Variants in GPC6 observed in about 807,000 individuals in gnomAD.
The protein encoded by GPC6 is glypican-6.
Under a neutral mutation model 55.2 loss-of-function variants are expected in GPC6, and 14 were observed. That is an observed-to-expected ratio of 0.25 (90% CI 0.17 to 0.40). GPC6 has a LOEUF of 0.40. Among genes scored for constraint, GPC6 ranks in the 10% least tolerant of loss-of-function variants. GPC6 has a pLI of 1.00. For synonymous variants in GPC6, 278 were observed against 259.6 expected (o/e 1.07, Z -0.68); for missense variants, 641 against 708.5 (o/e 0.90, Z 1.08).
At chr13:94,343,150 TC>T (rs1172870767) in intron 6 of GPC6, among the ~76,000 whole-genome samples, 2 of 152,214 alleles carry the variant, frequency 1.3e-5, no homozygotes, top group African/African-American at 4.8e-5. Flanking sequence ...ATCATCCACT[TC>T]GAGGGCAGGC....
intron 3 of GPC6, among the ~76,000 whole-genome samples, chr13:93,872,008 CTGAT>C (rs1420183256): frequency 1.3e-5 from 2 of 151,902 alleles, no homozygotes; most frequent in African/African-American, 4.8e-5. Context: ...AGTTTTCAGA[CTGAT>C]TGCTAATTTA....
chr13:94,101,538 A>AT (rs1296868144), intron 4 of GPC6, among the ~76,000 whole-genome samples: 4 of 152,308 alleles, frequency 2.6e-5, no homozygotes, highest in African/African-American at 7.2e-5. Flanking sequence ...ACAAATAATA[A>AT]AAGTGGAACT....
At chr13:93,994,811 A>G (rs977349991) in intron 3 of GPC6, among the ~76,000 whole-genome samples, 6 of 152,188 alleles carry the variant, frequency 3.9e-5, no homozygotes, top group African/African-American at 1.2e-4. Context: ...TTAAATGGGC[A>G]CACTTATTCA....
intron 1 of GPC6, among the ~76,000 whole-genome samples, chr13:93,432,578 C>T (rs947015963): frequency 1.3e-5 from 2 of 152,074 alleles, no homozygotes; most frequent in Non-Finnish European, 2.9e-5. Context: ...GAATGAAACT[C>T]GGAGAACTTG....
chr13:93,368,671 T>C (rs1881348404), intron 1 of GPC6, among the ~76,000 whole-genome samples: 3 of 152,028 alleles, frequency 2.0e-5, no homozygotes, highest in South Asian at 2.1e-4. Context: ...AGCAGGTTAC[T>C]GGTAGTATAC....
In GPC6 at chr13:94,164,849, CAT is replaced by C. The variant is rs1255533019; in HGVS notation, c.878-121498_878-121497del. Among the ~76,000 whole-genome samples, 6 of 151,964 alleles carry C rather than the reference CAT, an allele frequency of 3.9e-5. No homozygotes were observed. The East Asian group carries it at 1.2e-3, about 29-fold the overall frequency. On this transcript the variant is annotated intron_variant, in intron 4 of 8. Coordinates refer to ENST00000377047, the MANE Select transcript of GPC6 (RefSeq NM_005708.5). ...AGGGATTTCTGGAAATATAGTGAAA[CAT>C]AGAATTTAGTAGCATTTAATAATTC...
intron 1 of GPC6, among the ~76,000 whole-genome samples, chr13:93,298,716 G>A (rs1566286229): frequency 6.6e-6 from 1 of 151,896 alleles, no homozygotes; most frequent in Non-Finnish European, 1.5e-5. Context: ...CCAAAGTGCT[G>A]GGATTGTAGG....
At chr13:93,563,849 C>G (rs1437691553) in intron 2 of GPC6, among the ~76,000 whole-genome samples, 2 of 151,386 alleles carry the variant, frequency 1.3e-5, no homozygotes, top group African/African-American at 4.9e-5. Context: ...CATGGATAGA[C>G]TTGCAAGTTG....
intron 1 of GPC6, among the ~76,000 whole-genome samples, chr13:93,524,565 G>T (rs1433557689): frequency 6.6e-6 from 1 of 151,966 alleles, no homozygotes; most frequent in Admixed American, 6.6e-5. Context: ...ATCCATGTTT[G>T]CCTCTCTCAT....
chr13:94,012,553 T>C (rs1300229242), intron 3 of GPC6, among the ~76,000 whole-genome samples: 1 of 152,204 alleles, frequency 6.6e-6, no homozygotes. Context: ...ACAAACTTCA[T>C]ATTTATGTTT....
At chr13:93,478,510 T>G (rs1594198945) in intron 1 of GPC6, among the ~76,000 whole-genome samples, 1 of 152,160 alleles carries the variant, frequency 6.6e-6, no homozygotes, top group African/African-American at 2.4e-5. Flanking sequence ...TTCCTGAAAT[T>G]ATCATGGTTC....
intron 1 of GPC6, among the ~76,000 whole-genome samples, chr13:93,398,624 CA>C (rs1875951937): frequency 6.6e-6 from 1 of 152,102 alleles, no homozygotes; most frequent in Admixed American, 6.6e-5. Flanking sequence ...GTGGAATAAT[CA>C]TTAATTAATG....
intron 4 of GPC6, among the ~76,000 whole-genome samples, chr13:94,081,405 T>A (rs1181309927): frequency 1.3e-5 from 2 of 152,192 alleles, no homozygotes; most frequent in Non-Finnish European, 2.9e-5. Flanking sequence ...ATTCCCATAT[T>A]TAATGTCTCT....
intron 1 of GPC6, among the ~76,000 whole-genome samples, chr13:93,433,680 G>C (rs1220978621): frequency 1.3e-5 from 2 of 152,136 alleles, no homozygotes; most frequent in Non-Finnish European, 2.9e-5. Context: ...ATTGAATAAA[G>C]TGAGAGAGAA....
chr13:93,961,445 T>C (rs1023775606), intron 3 of GPC6, among the ~76,000 whole-genome samples: 1 of 152,228 alleles, frequency 6.6e-6, no homozygotes, highest in African/African-American at 2.4e-5. Flanking sequence ...ATTTCCACCT[T>C]CCTCTTTTTA....
chr13:93,667,957 C>T (rs148534184), intron 2 of GPC6, among the ~76,000 whole-genome samples: 1 of 152,192 alleles, frequency 6.6e-6, no homozygotes, highest in African/African-American at 2.4e-5. Context: ...AAAATCTTGT[C>T]ATTTGACTTG....
chr13:94,119,149 T>C (rs1175675718), intron 4 of GPC6, among the ~76,000 whole-genome samples: 4 of 152,036 alleles, frequency 2.6e-5, no homozygotes, highest in South Asian at 2.1e-4. Flanking sequence ...TATTCAATAA[T>C]ATTACTGAGC....
chr13:93,437,112 T>C (rs745871070), intron 1 of GPC6, among the ~76,000 whole-genome samples: 4 of 152,166 alleles, frequency 2.6e-5, no homozygotes, highest in Admixed American at 6.6e-5. Flanking sequence ...CCATGAATCA[T>C]GCCCATATAA....
At chr13:93,483,875 C>T (rs1345797743) in intron 1 of GPC6, among the ~76,000 whole-genome samples, 1 of 152,120 alleles carries the variant, frequency 6.6e-6, no homozygotes, top group Non-Finnish European at 1.5e-5. Context: ...GCTGGAATAA[C>T]TTATTTGGAA....
Sources: gnomAD v4.1 joint callset for allele counts (sites outside exome capture counted in the v4.1 genomes callset) on GRCh38, gnomAD v4.1.1 for gene constraint, MANE v1.5 for transcripts, NCBI Gene and HGNC (gene_info 2026-07-23, HGNC 2026-07-21) for gene names.